The following PCDH9 variants were observed in gnomAD, a reference collection of about 807,000 sequenced individuals.
The protein encoded by PCDH9 is protocadherin-9.
In PCDH9, 24 loss-of-function variants were observed where a neutral mutation model predicts 70.6. That is an observed-to-expected ratio of 0.34 (90% CI 0.25 to 0.48). The LOEUF (loss-of-function observed/expected upper bound fraction) is 0.48, where lower values mean the gene tolerates loss of function less well. Ranked by LOEUF, PCDH9 falls within the 20% of genes least tolerant of loss-of-function variation. The pLI is 0.99. For missense variants in PCDH9, 1,281 were observed against 1,503.6 expected (o/e 0.85, Z 2.45); for synonymous variants, 562 against 558.5 (o/e 1.01, Z -0.09).
At chr13:66,802,583 T>TA (rs941907432) in intron 3 of PCDH9, among the ~76,000 whole-genome samples, 2 of 152,184 alleles carry the variant, frequency 1.3e-5, no homozygotes, top group South Asian at 4.1e-4. Flanking sequence ...TAATCTGATA[T>TA]AAAAAATGTA....
chr13:66,720,542 C>T (rs369883088), intron 3 of PCDH9, among the ~76,000 whole-genome samples: 145 of 152,002 alleles, frequency 9.5e-4, no homozygotes, highest in African/African-American at 3.4e-3. Context: ...ATATACAGTA[C>T]CAGTAGTTTT....
intron 4 of PCDH9, among the ~76,000 whole-genome samples, chr13:66,392,350 G>T (rs1254639486): frequency 6.6e-6 from 1 of 151,968 alleles, no homozygotes; most frequent in Non-Finnish European, 1.5e-5. Context: ...CAAAAGAATT[G>T]TTATTCATGG....
rs567464238 is a variant in PCDH9 at position 66,401,309 on chromosome 13, G to A, written c.3341-96281C>T. Among the ~76,000 whole-genome samples, 3 of 151,964 alleles carry A rather than the reference G, an allele frequency of 2.0e-5. No individual in the cohort carries two copies. The South Asian group carries it at 6.3e-4, about 32-fold the overall frequency. On this transcript the variant is annotated intron_variant, in intron 4 of 4. Coordinates refer to ENST00000377865, the MANE Select transcript of PCDH9 (RefSeq NM_203487.3). ...GCGGTCCCCCCATGCTGTTCTTCTC[G>A]TGATAGTGAGTGAGTTATCATGGGA...
intron 2 of PCDH9, among the ~76,000 whole-genome samples, chr13:67,143,417 A>G (rs985310459): frequency 2.0e-5 from 3 of 152,128 alleles, no homozygotes. Context: ...TATTGGAAAA[A>G]TGGTTCTGGT....
intron 3 of PCDH9, among the ~76,000 whole-genome samples, chr13:66,732,366 C>T (rs923796211): frequency 3.9e-5 from 6 of 151,904 alleles, no homozygotes; most frequent in African/African-American, 1.4e-4. Flanking sequence ...TAAAACTCAA[C>T]ATACTACTAT....
intron 3 of PCDH9, among the ~76,000 whole-genome samples, chr13:66,763,067 G>A (rs1172479361): frequency 6.6e-6 from 1 of 151,888 alleles, no homozygotes; most frequent in Admixed American, 6.6e-5. Context: ...CTTGTTTCAA[G>A]CAATTCTCCA....
intron 2 of PCDH9, among the ~76,000 whole-genome samples, chr13:67,055,047 T>C (rs2085392257): frequency 1.3e-5 from 2 of 152,258 alleles, no homozygotes; most frequent in Non-Finnish European, 2.9e-5. Context: ...CTCACTATTG[T>C]GTTGGTCCTT....
intron 2 of PCDH9, among the ~76,000 whole-genome samples, chr13:67,163,370 T>C (rs1217003015): frequency 3.3e-5 from 5 of 152,232 alleles, no homozygotes; most frequent in African/African-American, 9.6e-5. Context: ...TTTGAGAAGA[T>C]AGATCAGGTA....
intron 4 of PCDH9, among the ~76,000 whole-genome samples, chr13:66,456,040 A>G (rs1276310076): frequency 6.6e-6 from 1 of 152,190 alleles, no homozygotes; most frequent in Non-Finnish European, 1.5e-5. Context: ...AAGAGAGTTT[A>G]GAACACCTAT....
chr13:66,531,382 T>C (rs925728821), intron 4 of PCDH9, among the ~76,000 whole-genome samples: 2 of 152,058 alleles, frequency 1.3e-5, no homozygotes, highest in Non-Finnish European at 2.9e-5. Context: ...TTATTAATAG[T>C]TATATATGGA....
intron 3 of PCDH9, among the ~76,000 whole-genome samples, chr13:66,676,134 T>G (rs1185132316): frequency 1.3e-5 from 2 of 152,130 alleles, no homozygotes; most frequent in Non-Finnish European, 2.9e-5. Context: ...TTTACATATT[T>G]TATCTCAATC....
At chr13:66,761,044 G>A (rs2079619243) in intron 3 of PCDH9, among the ~76,000 whole-genome samples, 1 of 152,102 alleles carries the variant, frequency 6.6e-6, no homozygotes, top group Admixed American at 6.6e-5. Flanking sequence ...AGTAATTCCA[G>A]TTTTGCCCTG....
At position 66,326,471 on chromosome 13, in the gene PCDH9, TGCAGTGGC is replaced by T. The variant is rs1955848281; in HGVS notation, c.3341-21451_3341-21444del. Reference sequence around the variant, plus strand: ...TCTTGCTCCGTCGCCCAGGCTGGAGTGCAGTGGCGCGATCTCGGCTCACTGCAAGCTCC... The same window carrying T: ...TCTTGCTCCGTCGCCCAGGCTGGAGTGCGATCTCGGCTCACTGCAAGCTCC... On this transcript the variant is annotated intron_variant, in intron 4 of 4. Coordinates refer to ENST00000377865, the MANE Select transcript of PCDH9 (RefSeq NM_203487.3). 2.7e-5 allele frequency among the ~76,000 whole-genome samples: 4 copies of T among 149,718 alleles called. No homozygotes were observed. In the South Asian group the frequency reaches 8.4e-4, roughly 31 times the overall value.
At chr13:67,205,189 T>C (rs1228977257) in intron 2 of PCDH9, 3 of 152,210 alleles carry the variant, frequency 2.0e-5, no homozygotes, top group Admixed American at 1.3e-4. Context: ...TATTATCTTA[T>C]ATTTTAACAA....
chr13:66,332,290 G>A lies in PCDH9; in HGVS notation c.3341-27262C>T, dbSNP rs551104116. Among the ~76,000 whole-genome samples the A allele has an allele frequency of 6.6e-5, 10 of 152,238 alleles. No individual in the cohort carries two copies. The South Asian group carries it at 2.1e-3, about 32-fold the overall frequency. ...AACAAGAAGTAAGGTGTATGCCAGA[G>A]AGCATACACCATGTTAGAATGAGGT... On this transcript the variant is annotated intron_variant, in intron 4 of 4. Coordinates refer to ENST00000377865, the MANE Select transcript of PCDH9 (RefSeq NM_203487.3).
chr13:66,840,662 T>C (rs1274969756), intron 3 of PCDH9, among the ~76,000 whole-genome samples: 1 of 152,242 alleles, frequency 6.6e-6, no homozygotes, highest in Admixed American at 6.5e-5. Flanking sequence ...GAATGGGAGC[T>C]GTGCTATAGG....
chr13:67,165,741 C>A (rs1360329309), intron 2 of PCDH9, among the ~76,000 whole-genome samples: 5 of 152,066 alleles, frequency 3.3e-5, no homozygotes, highest in Non-Finnish European at 7.4e-5. Context: ...AAATGTTTAA[C>A]AGTTGTATAG....
chr13:67,046,607 A>T (rs2085226759), intron 2 of PCDH9, among the ~76,000 whole-genome samples: 2 of 152,134 alleles, frequency 1.3e-5, no homozygotes, highest in South Asian at 4.1e-4. Flanking sequence ...ATCACTATGA[A>T]CAATCTATTG....
At chr13:67,107,513 C>T (rs1372978161) in intron 2 of PCDH9, among the ~76,000 whole-genome samples, 1 of 152,192 alleles carries the variant, frequency 6.6e-6, no homozygotes, top group Non-Finnish European at 1.5e-5. Context: ...GAACGATCTG[C>T]CTGCAGAAAG....
Sources: gnomAD v4.1 joint callset for allele counts (sites outside exome capture counted in the v4.1 genomes callset) on GRCh38, gnomAD v4.1.1 for gene constraint, MANE v1.5 for transcripts, NCBI Gene and HGNC (gene_info 2026-07-23, HGNC 2026-07-21) for gene names.